Variants in PHEX observed in about 807,000 individuals in gnomAD.
PHEX encodes phosphate regulating endopeptidase X-linked.
In PHEX, 16 loss-of-function variants were observed where a neutral mutation model predicts 68.0. The observed-to-expected ratio is 0.24, with a 90% confidence interval of 0.16 to 0.36. The LOEUF is 0.36. Among genes scored for constraint, PHEX ranks in the 10% least tolerant of loss-of-function variants. The pLI, the probability that PHEX is intolerant of heterozygous loss-of-function variation, is 1.00. For missense variants in PHEX, 480 were observed against 575.5 expected, an observed-to-expected ratio of 0.83 and a Z score of 1.70; for synonymous variants, 208 against 205.1, an observed-to-expected ratio of 1.01 and a Z score of -0.12.
At chrX:22,036,076 T>G in intron 1 of PHEX, among the ~76,000 whole-genome samples, 1 of 80,903 alleles carries the variant, frequency 1.2e-5, no homozygotes, top group Non-Finnish European at 2.4e-5. Flanking sequence ...TTTTTTTTTT[T>G]TGAGACGGAG....
At chrX:22,228,136 T>G (rs1347564451) in intron 20 of PHEX, among the ~76,000 whole-genome samples, 1 of 111,973 alleles carries the variant, frequency 8.9e-6, no homozygotes, top group Non-Finnish European at 1.9e-5. Context: ...TTTAATAGGC[T>G]CTTGGAGCAG....
At chrX:22,165,507 C>T (rs1326636730) in intron 12 of PHEX, among the ~76,000 whole-genome samples, 5 of 111,073 alleles carry the variant, frequency 4.5e-5, no homozygotes, top group Non-Finnish European at 9.4e-5. Context: ...GAGGCGGAGG[C>T]GGAGGTGCAG....
rs768850506 is a variant in PHEX, at chrX:22,104,577, G to T, written c.1079+5426G>T. Among the ~76,000 whole-genome samples, 4 of 112,005 alleles carry T rather than the reference G, an allele frequency of 3.6e-5. No individual in the cohort carries two copies. The East Asian group carries it at 1.1e-3, about 32-fold the overall frequency. On this transcript the variant is annotated intron_variant, in intron 9 of 21. Transcript: ENST00000379374. ...GGGGATTTTGACACCATGGAAATTG[G>T]CAAATGTAACAAATCATTTTTCTTT...
chrX:22,037,100 G>GA lies in PHEX; in HGVS notation c.119-1353dup, dbSNP rs1556011745. 9.8e-3 allele frequency among the ~76,000 whole-genome samples: 821 copies of GA among 84,133 alleles called. 14 individuals are homozygous for GA. Among genetic ancestry groups the GA allele is most frequent in the African/African-American group, 0.025 (571 of 22,413 alleles). The allele number at this position is 84,133 out of a possible 115,157, so 73.1% of individuals were successfully genotyped here. On this transcript the variant is annotated intron_variant, in intron 1 of 21. Transcript: ENST00000379374. ...GGTGACAGAGTGAGACTCTTGTCTC[G>GA]AAAAAAAAAAAAAAAATAGGACTGA... is the stretch of plus-strand genomic sequence containing the variant.
At chrX:22,224,956 A>ACAGCGCTGTATGATTTATTATCATC in intron 18 of PHEX, among the ~76,000 whole-genome samples, 2 of 113,805 alleles carry the variant, frequency 1.8e-5, no homozygotes, top group Non-Finnish European at 3.7e-5. Flanking sequence ...AAATTATCAT[A>ACAGCGCTGTATGATTTATTATCATC]CAGCGCTGTA....
rs1312421448 is a variant in PHEX at position 22,077,556 on chromosome X, A to G, written c.517A>G (p.Asn173Asp). Residue 173 changes from asparagine (N) to aspartate (D), a missense_variant, in exon 5 of 22, where the codon AAT becomes GAT. By Grantham distance (23) the Asn-to-Asp change is conservative (BLOSUM62 1). Transcript: ENST00000379374. The stretch of plus-strand genomic sequence containing the variant: ...TTTCCGCTGGCCCGTGCTTGAATCT[A>G]ATATTGGCCCTGAAGGGGTTTGGTC... ...SPFRWPVLES[N>D]IGPEGVWSER... 1 of 1,211,515 alleles carries G rather than the reference A, an allele frequency of 8.3e-7. No homozygotes were observed. The highest frequency in any genetic ancestry group is 1.1e-6 in the Non-Finnish European group (1 of 895,216).
intron 9 of PHEX, among the ~76,000 whole-genome samples, chrX:22,099,695 G>A (rs1328005556): frequency 8.9e-6 from 1 of 111,953 alleles, no homozygotes; most frequent in Non-Finnish European, 1.9e-5. Flanking sequence ...TGCTTTGCTA[G>A]TTTATTGCTA....
intron 20 of PHEX, among the ~76,000 whole-genome samples, chrX:22,233,429 G>C (rs1283337388): frequency 9.0e-6 from 1 of 111,288 alleles, no homozygotes; most frequent in South Asian, 3.8e-4. Flanking sequence ...CATTCTCCCC[G>C]TCACTTTCAG....
chrX:22,037,129 G>A (rs1445716518), intron 1 of PHEX, among the ~76,000 whole-genome samples: 2 of 108,092 alleles, frequency 1.9e-5, no homozygotes, highest in Non-Finnish European at 3.8e-5. Flanking sequence ...GGACTGAGAT[G>A]TTTCATCGGC....
intron 6 of PHEX, among the ~76,000 whole-genome samples, chrX:22,092,322 G>C (rs1929925481): frequency 8.9e-6 from 1 of 111,812 alleles, no homozygotes; most frequent in African/African-American, 3.3e-5. Context: ...CATATGCACA[G>C]AGGGCCTACC....
chrX:22,098,795 CAAAAAAAAAAAAA>C (rs746223770), intron 8 of PHEX, among the ~76,000 whole-genome samples, 198 bp from the exon 9 acceptor site: 30 of 11,372 alleles, frequency 2.6e-3, no homozygotes, highest in African/African-American at 5.1e-3. Context: ...GAGAATGTCT[CAAAAAAAAAAAAA>C]AAAAAAAAAA....
Position 22,227,492 on chromosome X carries a change from T to C in PHEX, c.1966-15T>C. The C allele has an allele frequency of 4.4e-6, 5 of 1,141,428 alleles. No individual in the cohort carries two copies. Among genetic ancestry groups the C allele is most frequent in the Non-Finnish European group, 6.0e-6 (5 of 831,117 alleles). The allele number at this position is 1,141,428 out of a possible 1,213,427, so 94.1% of individuals were successfully genotyped here. On this transcript the variant is annotated splice_polypyrimidine_tract_variant and intron_variant, in intron 19 of 21. Coordinates refer to ENST00000379374, the MANE Select transcript of PHEX (RefSeq NM_000444.6). ...CACCGTTGCAGAGACTCATCTCTTC[T>C]TCTTCTCTCACCAGGCTTACAGGAA... is the stretch of plus-strand genomic sequence containing the variant.
chrX:22,110,970 T>C (rs1488110140), intron 9 of PHEX, among the ~76,000 whole-genome samples: 1 of 111,847 alleles, frequency 8.9e-6, no homozygotes, highest in African/African-American at 3.3e-5. Flanking sequence ...AGGCACATCT[T>C]TGGGATGTGG....
chrX:22,090,520 T>C, intron 6 of PHEX, 23 bp downstream of exon 6: 1 of 1,088,236 alleles, frequency 9.2e-7, no homozygotes, highest in Non-Finnish European at 1.3e-6. Flanking sequence ...CATATTCAAC[T>C]ATGTGCCTTA....
In PHEX at chrX:22,249,466, ATATATATATATATATATATATG is replaced by A. The variant is rs2147220553; in HGVS notation, c.*1519_*1540del. 1.4e-5 allele frequency: 1 copy of A among 72,030 alleles called. No homozygotes were observed. The highest frequency in any genetic ancestry group is 6.3e-5 in the African/African-American group (1 of 15,907). The allele number at this position is 72,030 out of a possible 1,213,427, so 5.9% of individuals were successfully genotyped here. On this transcript the variant is annotated 3_prime_UTR_variant, in exon 22 of 22. Transcript: ENST00000379374. ...TTAAAAAAAAAAAAAATATATATAT[ATATATATATATATATATATATG>A]TATATCTACCTAAGTGTGTGCCATG...
chrX:22,209,779 TCCTCCCTCTCTCTCTCCCTCTCCC>T (rs1569428036), intron 15 of PHEX, among the ~76,000 whole-genome samples: 7 of 89,120 alleles, frequency 7.9e-5, no homozygotes, highest in Non-Finnish European at 1.3e-4. Context: ...CTCCTCCCTC[TCCTCCCTCTCTCTCTCCCTCTCCC>T]TCTCCCTCTC....
chrX:22,139,342 A>T (rs1334636484), intron 12 of PHEX, among the ~76,000 whole-genome samples: 2 of 111,596 alleles, frequency 1.8e-5, no homozygotes, highest in African/African-American at 6.5e-5. Flanking sequence ...CCCTGCTGAG[A>T]GGGTGTTGGA....
intron 15 of PHEX, among the ~76,000 whole-genome samples, chrX:22,203,319 C>T (rs1208062566): frequency 9.1e-6 from 1 of 110,268 alleles, no homozygotes; most frequent in African/African-American, 3.3e-5. Context: ...AAGCTGCTTT[C>T]TGCTTGTCAG....
Position 22,221,608 on chromosome X carries a change from G to T in PHEX, c.1769-5G>T, listed in dbSNP as rs1187727760. ...CAAATGTCTTCGAACTTTTCCTTTT[G>T]CTAGGTAGAAAATATGATAAAAATG... On this transcript the variant is annotated splice_region_variant and splice_polypyrimidine_tract_variant and intron_variant, in intron 17 of 21. Transcript: ENST00000379374. 5.0e-6 allele frequency: 6 copies of T among 1,196,278 alleles called. No homozygotes were observed. In the South Asian group the frequency reaches 8.8e-5, roughly 18 times the overall value.
Sources: gnomAD v4.1 joint callset for allele counts (sites outside exome capture counted in the v4.1 genomes callset) on GRCh38, gnomAD v4.1.1 for gene constraint, MANE v1.5 for transcripts, NCBI Gene and HGNC (gene_info 2026-07-23, HGNC 2026-07-21) for gene names.